The following THSD7A variants were observed in gnomAD, a reference collection of about 807,000 sequenced individuals.
THSD7A encodes thrombospondin type 1 domain containing 7A.
THSD7A carries 96 observed loss-of-function variants against 231.3 expected under a neutral mutation model. The observed-to-expected ratio is 0.41, with a 90% CI of 0.35 to 0.49. The LOEUF (loss-of-function observed/expected upper bound fraction) is 0.49, where lower values mean the gene tolerates loss of function less well. Among genes scored for constraint, THSD7A ranks in the 20% least tolerant of loss-of-function variants. The pLI, the probability that THSD7A is intolerant of heterozygous loss-of-function variation, is 0.05. For synonymous variants in THSD7A, 940 were observed against 743.3 expected (o/e 1.26, Z -4.30); for missense variants, 2,290 against 2,070.2 (o/e 1.11, Z -2.06).
In THSD7A at chr7:11,446,550, C is replaced by T. The variant is rs532645907; in HGVS notation, c.2801-226G>A. 1.3e-5 allele frequency among the ~76,000 whole-genome samples: 2 copies of T among 152,112 alleles called. No individual in the cohort carries two copies. Among genetic ancestry groups the T allele is most frequent in the South Asian group, 4.1e-4 (2 of 4,826 alleles). ...AAATTTGTATTATTTTTTCAGAACA[C>T]TATTTTTCACATACTTTTTAATTAT... On this transcript the variant is annotated intron_variant, in intron 12 of 27. Coordinates refer to ENST00000423059, the MANE Select transcript of THSD7A (RefSeq NM_015204.3). This position sits in a 1 kb window ranked among gnomAD's most constrained non-coding sequence, Gnocchi z 4.0.
chr7:11,740,799 G>T (rs1408407805), intron 1 of THSD7A, among the ~76,000 whole-genome samples: 1 of 151,902 alleles, frequency 6.6e-6, no homozygotes, highest in African/African-American at 2.4e-5. Context: ...TTCAGCATCT[G>T]CTTCTCTCCC....
chr7:11,530,092 G>T (rs997990948), intron 6 of THSD7A, among the ~76,000 whole-genome samples: 1 of 152,118 alleles, frequency 6.6e-6, no homozygotes, highest in Non-Finnish European at 1.5e-5. Context: ...TGCAATGACC[G>T]GTCTCCAGAA....
At chr7:11,658,488 T>C (rs140501233) in intron 1 of THSD7A, among the ~76,000 whole-genome samples, 42 of 151,730 alleles carry the variant, frequency 2.8e-4, no homozygotes, top group African/African-American at 7.5e-4. Context: ...TTCAATGGCA[T>C]TTTCTTCAGT....
chr7:11,548,380 C>T (rs11977789), intron 4 of THSD7A, among the ~76,000 whole-genome samples: 17,048 of 151,918 alleles, frequency 0.11, 1,479 homozygotes, highest in African/African-American at 0.24. Context: ...CCCTTACCAA[C>T]CACAAAAGGG....
intron 2 of THSD7A, among the ~76,000 whole-genome samples, chr7:11,627,137 G>A (rs995321020): frequency 1.3e-5 from 2 of 152,030 alleles, no homozygotes; most frequent in African/African-American, 2.4e-5. Context: ...TAAGGTTAAC[G>A]TTGCATCTTT....
intron 1 of THSD7A, among the ~76,000 whole-genome samples, chr7:11,777,388 A>T (rs1246976747): frequency 6.6e-6 from 1 of 151,438 alleles, no homozygotes; most frequent in African/African-American, 2.4e-5. Flanking sequence ...AGTGTAAAAA[A>T]AACTATGTTT....
At chr7:11,801,133 CAA>C (rs371000577) in intron 1 of THSD7A, among the ~76,000 whole-genome samples, 1 of 150,228 alleles carries the variant, frequency 6.7e-6, no homozygotes. Flanking sequence ...GACCCCATTT[CAA>C]AAAAAATTTT....
chr7:11,484,874 ATTTTTTTTTT>A (rs56353626), intron 6 of THSD7A, among the ~76,000 whole-genome samples: 18 of 53,812 alleles, frequency 3.3e-4, no homozygotes, highest in South Asian at 1.1e-3. Context: ...CACAACCTTA[ATTTTTTTTTT>A]TTTTTTTTTT....
rs75470130 is a variant in THSD7A, at chr7:11,748,987, A to T, written c.190+82770T>A. 5.2e-3 allele frequency among the ~76,000 whole-genome samples: 787 copies of T among 152,080 alleles called. 6 individuals carry two copies. Among genetic ancestry groups the T allele is most frequent in the African/African-American group, 0.016 (647 of 41,530 alleles). Reference sequence around the variant, plus strand: ...ATTCCAGCTGAGCGGGGAGGGGAGCAGCTCCTCTGAGAGAGTGTCACCCCA... The same window carrying T: ...ATTCCAGCTGAGCGGGGAGGGGAGCTGCTCCTCTGAGAGAGTGTCACCCCA... On this transcript the variant is annotated intron_variant, in intron 1 of 27. Coordinates refer to ENST00000423059, the MANE Select transcript of THSD7A (RefSeq NM_015204.3).
intron 1 of THSD7A, among the ~76,000 whole-genome samples, chr7:11,792,653 G>C (rs925469936): frequency 6.6e-6 from 1 of 151,720 alleles, no homozygotes; most frequent in African/African-American, 2.4e-5. Context: ...TCCAGTAAAG[G>C]GTACTGGAAG....
intron 7 of THSD7A, among the ~76,000 whole-genome samples, chr7:11,477,124 T>A (rs959311750): frequency 2.6e-5 from 4 of 152,164 alleles, no homozygotes; most frequent in African/African-American, 9.7e-5. Context: ...TTGCCAACTG[T>A]CCCAAAATGT....
intron 1 of THSD7A, among the ~76,000 whole-genome samples, chr7:11,666,669 A>T (rs1392408653): frequency 9.1e-6 from 1 of 110,340 alleles, no homozygotes; most frequent in Non-Finnish European, 1.8e-5. Context: ...TTCAGTGATG[A>T]TGAAACTGTT....
intron 4 of THSD7A, among the ~76,000 whole-genome samples, chr7:11,545,396 G>C (rs1789338504): frequency 6.6e-6 from 1 of 152,118 alleles, no homozygotes; most frequent in African/African-American, 2.4e-5. Flanking sequence ...GAAAACTTTA[G>C]GAAGCAAACA....
At chr7:11,605,473 C>T (rs1393616610) in intron 2 of THSD7A, among the ~76,000 whole-genome samples, 1 of 152,110 alleles carries the variant, frequency 6.6e-6, no homozygotes, top group Non-Finnish European at 1.5e-5. Context: ...TGTGGACCAA[C>T]ACCATCAGCA....
At chr7:11,710,269 GA>G (rs35545313) in intron 1 of THSD7A, among the ~76,000 whole-genome samples, 82,946 of 145,510 alleles carry the variant, frequency 0.57, 24,322 homozygotes, top group African/African-American at 0.75. Context: ...CACTTTACAA[GA>G]AAAAAAAAAA....
At chr7:11,611,834 TCA>T (rs1780937970) in intron 2 of THSD7A, among the ~76,000 whole-genome samples, 1 of 134,066 alleles carries the variant, frequency 7.5e-6, no homozygotes, top group African/African-American at 2.8e-5. Flanking sequence ...ACACACACTA[TCA>T]TCTGTCTATC....
chr7:11,790,494 G>A (rs1267729109), intron 1 of THSD7A, among the ~76,000 whole-genome samples: 1 of 151,788 alleles, frequency 6.6e-6, no homozygotes, highest in Non-Finnish European at 1.5e-5. Context: ...AAGGATTCAT[G>A]TCTATAAAGT....
At chr7:11,589,499 T>C (rs548703858) in intron 4 of THSD7A, among the ~76,000 whole-genome samples, 3 of 152,228 alleles carry the variant, frequency 2.0e-5, no homozygotes, top group Non-Finnish European at 4.4e-5. Context: ...CTTACGCTCA[T>C]TCTGAAACTT....
chr7:11,704,420 C>T (rs1408898708), intron 1 of THSD7A, among the ~76,000 whole-genome samples: 1 of 150,764 alleles, frequency 6.6e-6, no homozygotes, highest in Non-Finnish European at 1.5e-5. Flanking sequence ...ATTTAAGTGA[C>T]ATAACCCTAT....
Sources: allele counts gnomAD v4.1 joint callset (sites outside exome capture counted in the v4.1 genomes callset), GRCh38; gene constraint gnomAD v4.1.1; non-coding constraint Gnocchi (gnomAD v3.1); transcripts MANE v1.5; gene names NCBI Gene and HGNC (gene_info 2026-07-23, HGNC 2026-07-21).